The following DISC1 variants were observed in gnomAD, a reference collection of about 807,000 sequenced individuals.
DISC1 encodes DISC1 scaffold protein.
DISC1 carries 57 observed loss-of-function variants against 84.5 expected under a neutral mutation model. The observed-to-expected ratio is 0.67, with a 90% CI of 0.55 to 0.84. The LOEUF is 0.84. Among genes scored for constraint, DISC1 ranks in the 40% least tolerant of loss-of-function variants. The pLI is 0.00. For synonymous variants in DISC1, 411 were observed against 415.2 expected, an observed-to-expected ratio of 0.99 and a Z score of 0.12; for missense variants, 1,000 against 1,057.8, an observed-to-expected ratio of 0.95 and a Z score of 0.76.
chr1:231,637,803 G>A (rs888035568), intron 1 of DISC1, among the ~76,000 whole-genome samples: 1 of 152,182 alleles, frequency 6.6e-6, no homozygotes, highest in Non-Finnish European at 1.5e-5. Flanking sequence ...TGATAAACAT[G>A]TGAGTCCAGG....
chr1:231,903,749 G>A (rs1285023624), intron 9 of DISC1, among the ~76,000 whole-genome samples: 1 of 152,238 alleles, frequency 6.6e-6, no homozygotes, highest in Non-Finnish European at 1.5e-5. Flanking sequence ...AACTTGGAGA[G>A]AGGAGGGCTG....
intron 8 of DISC1, among the ~76,000 whole-genome samples, chr1:231,814,058 G>A (rs1036090884): frequency 1.3e-5 from 2 of 152,164 alleles, no homozygotes; most frequent in Admixed American, 6.5e-5. Context: ...AGTGACAGAT[G>A]TTATGTGCTA....
At chr1:231,832,254 T>C (rs1458420157) in intron 9 of DISC1, among the ~76,000 whole-genome samples, 7 of 152,044 alleles carry the variant, frequency 4.6e-5, no homozygotes, top group African/African-American at 1.7e-4. Flanking sequence ...GTTTGTGATT[T>C]TGAGGGCCTC....
At chr1:232,025,139 C>T (rs1282275636) in intron 11 of DISC1, among the ~76,000 whole-genome samples, 1 of 152,124 alleles carries the variant, frequency 6.6e-6, no homozygotes, top group East Asian at 1.9e-4. Flanking sequence ...CCTTACCTCA[C>T]TTGAGTGGAC....
At chr1:231,885,087 T>TA (rs1272380664) in intron 9 of DISC1, among the ~76,000 whole-genome samples, 1 of 152,204 alleles carries the variant, frequency 6.6e-6, no homozygotes, top group Non-Finnish European at 1.5e-5. Context: ...GATGTCTAGT[T>TA]AGCAAACCAG....
chr1:231,816,244 T>A (rs535684152), intron 8 of DISC1, among the ~76,000 whole-genome samples: 1 of 152,354 alleles, frequency 6.6e-6, no homozygotes, highest in East Asian at 1.9e-4. Context: ...CATTTGTGCG[T>A]CTACTTTGTA....
At chr1:231,747,824 T>G (rs2074176614) in intron 3 of DISC1, among the ~76,000 whole-genome samples, 1 of 152,146 alleles carries the variant, frequency 6.6e-6, no homozygotes, top group African/African-American at 2.4e-5. Flanking sequence ...TTGATAGAGA[T>G]TGCACTGTTA....
intron 11 of DISC1, among the ~76,000 whole-genome samples, chr1:232,018,898 T>C (rs111316704): frequency 2.6e-5 from 4 of 152,350 alleles, no homozygotes; most frequent in African/African-American, 9.6e-5. Context: ...GGCAAAGGCA[T>C]GTGCTCAGCA....
chr1:231,863,410 T>TAAA (rs1482668611), intron 9 of DISC1, among the ~76,000 whole-genome samples: 418 of 152,000 alleles, frequency 2.7e-3, no homozygotes, highest in African/African-American at 9.5e-3. Context: ...TTTGTACTTT[T>TAAA]AGTAGAGAAG....
chr1:232,017,575 T>C (rs1016837052), intron 11 of DISC1, among the ~76,000 whole-genome samples: 3 of 151,602 alleles, frequency 2.0e-5, no homozygotes. Context: ...TGTGGATAGG[T>C]ATTGCTGATG....
chr1:231,762,238 CTTTTCTTTTCTTTTCTTTATTTT>C (rs1558498553), intron 4 of DISC1, among the ~76,000 whole-genome samples: 82 of 20,676 alleles, frequency 4.0e-3, no homozygotes, highest in African/African-American at 0.012. Context: ...CTTTTCTTTT[CTTTTCTTTTCTTTTCTTTATTTT>C]CTTTCCTTTC....
At chr1:231,883,394 G>C (rs2086437551) in intron 9 of DISC1, among the ~76,000 whole-genome samples, 1 of 152,168 alleles carries the variant, frequency 6.6e-6, no homozygotes, top group Admixed American at 6.5e-5. Context: ...GGTGTGGAGA[G>C]GGGCTGGCCT....
At chr1:232,006,596 T>C (rs1384547847) in intron 10 of DISC1, among the ~76,000 whole-genome samples, 1 of 152,156 alleles carries the variant, frequency 6.6e-6, no homozygotes, top group Admixed American at 6.6e-5. Context: ...CAGTGCATTT[T>C]TATGCATTCA....
chr1:231,972,075 T>G (rs2102824809), intron 10 of DISC1, among the ~76,000 whole-genome samples: 1 of 152,130 alleles, frequency 6.6e-6, no homozygotes, highest in African/African-American at 2.4e-5. Context: ...GAGCGGTAAT[T>G]ACGCTGCCCG....
intron 1 of DISC1, among the ~76,000 whole-genome samples, chr1:231,643,951 A>C (rs1171961154): frequency 6.6e-6 from 1 of 152,158 alleles, no homozygotes; most frequent in Non-Finnish European, 1.5e-5. Context: ...CTAAGAGGAC[A>C]TCTTTTTATA....
intron 10 of DISC1, among the ~76,000 whole-genome samples, chr1:231,970,339 T>G (rs1320957266): frequency 2.6e-5 from 4 of 152,250 alleles, no homozygotes; most frequent in Admixed American, 6.5e-5. Flanking sequence ...TTTGCATTTC[T>G]CTGATGGCCA....
intron 9 of DISC1, among the ~76,000 whole-genome samples, chr1:231,847,696 A>G (rs1274769073): frequency 1.3e-5 from 2 of 152,088 alleles, no homozygotes; most frequent in African/African-American, 2.4e-5. Flanking sequence ...TTAGTTTTAT[A>G]TGGCTCTACC....
chr1:231,771,486 G>A, intron 6 of DISC1: 1 of 985,394 alleles, frequency 1.0e-6, no homozygotes, highest in South Asian at 4.7e-5. Flanking sequence ...GACACCCAAT[G>A]GCAAAGTTCC....
At chr1:231,827,721 T>C (rs1039911246) in intron 9 of DISC1, among the ~76,000 whole-genome samples, 2 of 152,182 alleles carry the variant, frequency 1.3e-5, no homozygotes, top group African/African-American at 4.8e-5. Context: ...CTTAGTCCTG[T>C]TATGTTTTGG....
Sources: gnomAD v4.1 joint callset for allele counts (sites outside exome capture counted in the v4.1 genomes callset) on GRCh38, gnomAD v4.1.1 for gene constraint, MANE v1.5 for transcripts, NCBI Gene and HGNC (gene_info 2026-07-23, HGNC 2026-07-21) for gene names.